AKIRIN2: variants seen among roughly 807,000 people sequenced by gnomAD.
AKIRIN2 encodes akirin 2, also known as akirin-2.
AKIRIN2 carries 6 observed loss-of-function variants against 29.3 expected under a neutral mutation model. The ratio of observed to expected loss-of-function variants is 0.20; its 90% CI spans 0.11 to 0.40. The LOEUF (loss-of-function observed/expected upper bound fraction) is 0.40. Ranked by LOEUF, AKIRIN2 falls within the 10% of genes least tolerant of loss-of-function variation. The probability of loss-of-function intolerance (pLI) is 1.00; values close to 1 mark genes in which losing one functional copy is unlikely to be tolerated. For missense variants in AKIRIN2, 210 were observed against 276.1 expected (o/e 0.76, Z 1.70); for synonymous variants, 128 against 117.5 (o/e 1.09, Z -0.58).
At chr6:87,681,982 G>A (rs1771129012) in intron 1 of AKIRIN2, among the ~76,000 whole-genome samples, 1 of 152,202 alleles carries the variant, frequency 6.6e-6, no homozygotes, top group Non-Finnish European at 1.5e-5. Flanking sequence ...CAATATTCTT[G>A]CTGAGCACTG....
In AKIRIN2 at chr6:87,681,770, TAAA is replaced by T. The variant is rs768086157; in HGVS notation, c.236-10_236-8del. 157 of 1,557,196 alleles carry T rather than the reference TAAA, an allele frequency of 1.0e-4. No homozygotes were observed. The highest frequency in any genetic ancestry group is 1.3e-4 in the Non-Finnish European group (152 of 1,155,394). ...ATGTTGTACAGAATTTGTTCTAAAA[TAAA>T]AAAGTTAAAATTTGGCAAGATAAAA... is the stretch of plus-strand genomic sequence containing the variant. On this transcript the variant is annotated splice_region_variant and splice_polypyrimidine_tract_variant and intron_variant, in intron 1 of 4. Coordinates refer to ENST00000257787, the MANE Select transcript of AKIRIN2 (RefSeq NM_018064.4).
intron 1 of AKIRIN2, among the ~76,000 whole-genome samples, chr6:87,689,431 C>T (rs949418194): frequency 1.3e-5 from 2 of 152,058 alleles, no homozygotes; most frequent in Non-Finnish European, 2.9e-5. Context: ...TGAGCCGAGA[C>T]AGTGCTACCG....
intron 1 of AKIRIN2, among the ~76,000 whole-genome samples, chr6:87,689,758 A>C (rs1347154636): frequency 5.9e-5 from 9 of 152,214 alleles, no homozygotes; most frequent in Non-Finnish European, 1.5e-5. Context: ...AGATCTTGTT[A>C]AAATGTAGAC....
At chr6:87,677,450 G>T (rs1053910589) in intron 3 of AKIRIN2, among the ~76,000 whole-genome samples, 14 of 152,118 alleles carry the variant, frequency 9.2e-5, no homozygotes, top group Non-Finnish European at 1.9e-4. Context: ...ACTCCAGTTT[G>T]ATACTCCAAT....
In AKIRIN2 at chr6:87,701,679, C is replaced by T. The variant is rs1435113959; in HGVS notation, c.6G>A (p.Ala2=). The T allele has an allele frequency of 6.2e-6, 9 of 1,450,010 alleles. No individual in the cohort carries two copies. The highest frequency in any genetic ancestry group is 4.5e-5 in the African/African-American group (3 of 66,888). 89.8% of individuals were successfully genotyped at this position (1,450,010 alleles called of 1,614,324 possible). The change falls in exon 1 of 5, where the codon GCG becomes GCA. Residue 2 remains alanine (A), a synonymous_variant. Coordinates refer to ENST00000257787, the MANE Select transcript of AKIRIN2 (RefSeq NM_018064.4). The stretch of plus-strand genomic sequence containing the variant: ...GAGTCCTTTTCAGAGTGGCTCCGCA[C>T]GCCATGGCCGGGGGCAGCTGAGGCG... M[A]CGATLKRTLD... is the part of the protein sequence containing the mutation.
intron 3 of AKIRIN2, among the ~76,000 whole-genome samples, chr6:87,676,483 G>A (rs182567443): frequency 0.019 from 2,806 of 144,044 alleles, 102 homozygotes; most frequent in African/African-American, 0.069. Context: ...GAGGCCGGGC[G>A]CGGTGGCTCA....
intron 2 of AKIRIN2, among the ~76,000 whole-genome samples, 199 bp from the exon 3 acceptor site, chr6:87,678,166 G>C (rs971103967): frequency 2.5e-4 from 38 of 152,168 alleles, no homozygotes; most frequent in Admixed American, 2.6e-4. Flanking sequence ...GAAAAACACG[G>C]CAAGATGTAA....
rs545503424 is a variant in AKIRIN2 at position 87,698,604 on chromosome 6, C to T, written c.235+2846G>A. Among the ~76,000 whole-genome samples the T allele has an allele frequency of 9.2e-5, 14 of 152,306 alleles. No individual in the cohort carries two copies. The South Asian group carries it at 2.5e-3, about 27-fold the overall frequency. On this transcript the variant is annotated intron_variant, in intron 1 of 4. Transcript: ENST00000257787. ...GAACAGCATTTCTGAATTAGTAACA[C>T]TTAGGTGTCCTAAAAAACAGGTTTG...
chr6:87,695,533 T>C (rs899814387), intron 1 of AKIRIN2, among the ~76,000 whole-genome samples: 12 of 152,322 alleles, frequency 7.9e-5, no homozygotes, highest in Admixed American at 5.2e-4. Context: ...GGCAAGAAAT[T>C]CCCTGTAGTT....
At position 87,677,864 on chromosome 6, in the gene AKIRIN2, C is replaced by T. The variant is rs1230657344; in HGVS notation, c.483G>A (p.Glu161=). ...TTTCTTCATATTCTTCTCGAACTTT[C>T]TCTTCACGTTCTTTCAACAAACGTT... The part of the protein sequence containing the change: ...ICERLLKERE[E]KVREEYEEIL... Residue 161 remains glutamate (E), a synonymous_variant, in exon 3 of 5, where the codon GAG becomes GAA. Transcript: ENST00000257787. 1 of 1,614,102 alleles carries T rather than the reference C, an allele frequency of 6.2e-7. No individual in the cohort carries two copies. The highest frequency in any genetic ancestry group is 1.1e-5 in the South Asian group (1 of 91,082).
intron 3 of AKIRIN2, among the ~76,000 whole-genome samples, chr6:87,676,752 C>G (rs1771008276): frequency 6.6e-6 from 1 of 151,184 alleles, no homozygotes; most frequent in South Asian, 2.1e-4. Flanking sequence ...TGCACTCCGG[C>G]CTGGGCGACA....
At chr6:87,685,625 G>T (rs1417533265) in intron 1 of AKIRIN2, among the ~76,000 whole-genome samples, 2 of 152,122 alleles carry the variant, frequency 1.3e-5, no homozygotes, top group African/African-American at 4.8e-5. Flanking sequence ...TTCCTATTTG[G>T]CTTATGAGGC....
chr6:87,701,831 T>A lies in AKIRIN2; in HGVS notation c.-147A>T. The A allele has an allele frequency of 1.9e-6, 1 of 525,994 alleles. No individual in the cohort carries two copies. The highest frequency in any genetic ancestry group is 4.5e-5 in the South Asian group (1 of 22,438). The allele number at this position is 525,994 out of a possible 1,614,324, so 32.6% of individuals were successfully genotyped here. ...CAAGCGGGTCGCGGAGCGCCGGCTG[T>A]GGAAAGGAGAGCCGCTGCCGCCGCT... is the stretch of plus-strand genomic sequence containing the variant. On this transcript the variant is annotated 5_prime_UTR_variant, in exon 1 of 5. Transcript: ENST00000257787.
intron 1 of AKIRIN2, 66 bp downstream of exon 1, chr6:87,701,384 C>T: frequency 2.0e-6 from 3 of 1,474,538 alleles, no homozygotes; most frequent in Non-Finnish European, 2.7e-6. Context: ...GGGCCGCATC[C>T]CACACCCCAG....
intron 1 of AKIRIN2, among the ~76,000 whole-genome samples, chr6:87,689,824 G>A (rs1771250988): frequency 1.3e-5 from 2 of 152,326 alleles, no homozygotes; most frequent in African/African-American, 4.8e-5. Context: ...CTGCCGGTCA[G>A]GACTGGAATT....
chr6:87,689,736 C>G (rs1771249684), intron 1 of AKIRIN2, among the ~76,000 whole-genome samples: 1 of 152,172 alleles, frequency 6.6e-6, no homozygotes, highest in South Asian at 2.1e-4. Flanking sequence ...AATGCACACA[C>G]AGATTACCTC....
At chr6:87,701,344 G>T in intron 1 of AKIRIN2, 106 bp downstream of exon 1, 1 of 1,231,638 alleles carries the variant, frequency 8.1e-7, no homozygotes, top group Non-Finnish European at 1.1e-6. Flanking sequence ...CTAAGAACAA[G>T]AACCACACAG....
intron 2 of AKIRIN2, among the ~76,000 whole-genome samples, chr6:87,678,665 G>T (rs998635820): frequency 6.6e-6 from 1 of 152,024 alleles, no homozygotes; most frequent in African/African-American, 2.4e-5. Context: ...TAGGAATGAA[G>T]AACACCTCAG....
At chr6:87,688,031 A>G (rs1360303324) in intron 1 of AKIRIN2, among the ~76,000 whole-genome samples, 1 of 152,050 alleles carries the variant, frequency 6.6e-6, no homozygotes, top group Non-Finnish European at 1.5e-5. Context: ...TATTGGCAAA[A>G]TGAGGTAGAA....
Sources: gnomAD v4.1 joint callset for allele counts (sites outside exome capture counted in the v4.1 genomes callset) on GRCh38, gnomAD v4.1.1 for gene constraint, MANE v1.5 for transcripts, NCBI Gene and HGNC (gene_info 2026-07-23, HGNC 2026-07-21) for gene names.